REDIC1: variants seen among roughly 807,000 people sequenced by gnomAD.
The protein encoded by REDIC1 is HEI10 Interacting Protein 1.
At chr12:39,680,095 A>G in the REDIC1 span, among the ~76,000 whole-genome samples, 30 of 152,284 alleles carry the variant, frequency 2.0e-4, no homozygotes, top group Admixed American at 5.9e-4. Flanking sequence ...ATGACCAAGA[A>G]CCAAAAGCAA....
chr12:39,808,062 C>G, the REDIC1 span, among the ~76,000 whole-genome samples: 7 of 152,088 alleles, frequency 4.6e-5, no homozygotes, highest in Admixed American at 3.3e-4. Context: ...ATCCATGTAA[C>G]CACTACCACA....
chr12:39,750,004 G>A, the REDIC1 span, among the ~76,000 whole-genome samples: 5 of 152,134 alleles, frequency 3.3e-5, no homozygotes, highest in Non-Finnish European at 7.3e-5. Flanking sequence ...TTGAAACCTG[G>A]CACAAGACAG....
the REDIC1 span, among the ~76,000 whole-genome samples, chr12:39,713,249 C>CATATACGTGTATATATGTGTAT: frequency 8.4e-6 from 1 of 119,374 alleles, no homozygotes; most frequent in African/African-American, 3.8e-5. Context: ...TATGTGTACA[C>CATATACGTGTATATATGTGTAT]ACACATACGT....
the REDIC1 span, among the ~76,000 whole-genome samples, chr12:39,828,384 G>A: frequency 5.3e-5 from 8 of 151,352 alleles, no homozygotes; most frequent in African/African-American, 1.9e-4. Flanking sequence ...TAATTTATGT[G>A]CAGTTACAGG....
chr12:39,900,934 A>G, the REDIC1 span, among the ~76,000 whole-genome samples: 14 of 152,206 alleles, frequency 9.2e-5, no homozygotes, highest in Non-Finnish European at 1.5e-5. Flanking sequence ...CCTGACTTCA[A>G]ACTATACCAC....
At chr12:39,721,225 G>T in the REDIC1 span, 429 of 1,612,874 alleles carry the variant, frequency 2.7e-4, 1 homozygote, top group Non-Finnish European at 3.4e-4. Flanking sequence ...TACCACTGGA[G>T]GGCAGGAAAT....
the REDIC1 span, among the ~76,000 whole-genome samples, chr12:39,657,447 A>T: frequency 2.9e-3 from 439 of 152,316 alleles, 2 homozygotes; most frequent in African/African-American, 9.9e-3. Flanking sequence ...TTGTAAAGTG[A>T]TACATGATTG....
chr12:39,708,324 T>A, the REDIC1 span, among the ~76,000 whole-genome samples: 1 of 151,790 alleles, frequency 6.6e-6, no homozygotes, highest in Non-Finnish European at 1.5e-5. Context: ...AGTAATAACA[T>A]GTATGTTTTG....
At chr12:39,632,737 C>A in the REDIC1 span, among the ~76,000 whole-genome samples, 3 of 152,116 alleles carry the variant, frequency 2.0e-5, no homozygotes, top group East Asian at 5.8e-4. Flanking sequence ...TGCTTCTAAG[C>A]TACAAACCTA....
the REDIC1 span, among the ~76,000 whole-genome samples, chr12:39,767,853 T>A: frequency 6.6e-6 from 1 of 152,068 alleles, no homozygotes; most frequent in Non-Finnish European, 1.5e-5. Context: ...GCACTTCTCC[T>A]TCCTGTCGCC....
At chr12:39,706,016 AAG>A in the REDIC1 span, among the ~76,000 whole-genome samples, 1 of 152,094 alleles carries the variant, frequency 6.6e-6, no homozygotes, top group Non-Finnish European at 1.5e-5. Context: ...ATTGGAAAGA[AAG>A]AAGTCAAATT....
At chr12:39,829,581 T>G in the REDIC1 span, 2 of 159,420 alleles carry the variant, frequency 1.3e-5, no homozygotes, top group Admixed American at 1.2e-4. Flanking sequence ...TCTCAGCTAA[T>G]TTTTGTATTT....
the REDIC1 span, chr12:39,759,846 T>C: frequency 2.7e-5 from 15 of 565,288 alleles, no homozygotes; most frequent in African/African-American, 2.5e-4. Context: ...ATATTGTTCC[T>C]TGTGGAAAAA....
the REDIC1 span, among the ~76,000 whole-genome samples, chr12:39,877,424 AT>A: frequency 6.6e-6 from 1 of 152,214 alleles, no homozygotes; most frequent in East Asian, 1.9e-4. Context: ...ATTACCTCCC[AT>A]TGAGTCCTTC....
chr12:39,712,918 T>A, the REDIC1 span, among the ~76,000 whole-genome samples: 2 of 147,648 alleles, frequency 1.4e-5, no homozygotes, highest in Admixed American at 6.8e-5. Flanking sequence ...CGTATATACA[T>A]ATGTGCATAT....
chr12:39,860,045 A>G, the REDIC1 span, among the ~76,000 whole-genome samples: 1 of 152,222 alleles, frequency 6.6e-6, no homozygotes, highest in Non-Finnish European at 1.5e-5. Flanking sequence ...TTTGAAAGGA[A>G]TAGAAAAAGA....
the REDIC1 span, among the ~76,000 whole-genome samples, chr12:39,711,657 A>G: frequency 1.5e-5 from 2 of 136,894 alleles, no homozygotes; most frequent in South Asian, 4.5e-4. Context: ...ACATGTATGT[A>G]TGTCTATACA....
chr12:39,642,463 TC>T, the REDIC1 span, among the ~76,000 whole-genome samples: 7 of 151,744 alleles, frequency 4.6e-5, no homozygotes, highest in African/African-American at 1.7e-4. Flanking sequence ...AACAATAATT[TC>T]CATACCTTTC....
the REDIC1 span, among the ~76,000 whole-genome samples, chr12:39,750,858 T>A: frequency 6.6e-6 from 1 of 152,296 alleles, no homozygotes; most frequent in Admixed American, 6.5e-5. Flanking sequence ...TGGCTAGCCA[T>A]ATGTAGAAAG....
Sources: gnomAD v4.1 joint callset for allele counts (sites outside exome capture counted in the v4.1 genomes callset) on GRCh38, gnomAD v4.1.1 for gene constraint, MANE v1.5 for transcripts, NCBI Gene and HGNC (gene_info 2026-07-23, HGNC 2026-07-21) for gene names.